The following METTL8 variants were observed in gnomAD, a reference collection of about 807,000 sequenced individuals.
The protein encoded by METTL8 is tRNA N(3)-cytidine methyltransferase METTL8, mitochondrial.
METTL8 carries 32 observed loss-of-function variants against 48.7 expected under a neutral mutation model. The ratio of observed to expected loss-of-function variants is 0.66; its 90% CI spans 0.50 to 0.88. The LOEUF is 0.88. Ranked by LOEUF, METTL8 falls within the 40% of genes least tolerant of loss-of-function variation. The probability of loss-of-function intolerance (pLI) is 0.00; values close to 1 mark genes in which losing one functional copy is unlikely to be tolerated. For missense variants in METTL8, 464 were observed against 474.4 expected, an observed-to-expected ratio of 0.98 and a Z score of 0.20; for synonymous variants, 136 against 157.1, an observed-to-expected ratio of 0.87 and a Z score of 1.01.
chr2:171,370,327 C>T (rs76669240), intron 2 of METTL8, among the ~76,000 whole-genome samples: 12 of 152,244 alleles, frequency 7.9e-5, no homozygotes, highest in African/African-American at 2.6e-4. Flanking sequence ...CTCACATGTA[C>T]TTCCTCCTGG....
chr2:171,389,630 AAACC>A (rs1688405357), intron 2 of METTL8, among the ~76,000 whole-genome samples: 1 of 152,180 alleles, frequency 6.6e-6, no homozygotes, highest in African/African-American at 2.4e-5. Flanking sequence ...ATAAAAGATA[AAACC>A]AGCCACAATA....
chr2:171,359,091 C>T (rs540154915), intron 3 of METTL8, among the ~76,000 whole-genome samples: 9 of 150,748 alleles, frequency 6.0e-5, no homozygotes, highest in Non-Finnish European at 1.0e-4. Context: ...AGGTGGGAGG[C>T]TCACCTGAAC....
chr2:171,427,330 C>G (rs538327862), intron 1 of METTL8, among the ~76,000 whole-genome samples: 1 of 152,294 alleles, frequency 6.6e-6, no homozygotes, highest in South Asian at 2.1e-4. Flanking sequence ...TTGCCTTCCA[C>G]AATGTATTTT....
In METTL8 at chr2:171,318,428, G is replaced by A. The variant is rs889376993; in HGVS notation, c.*5744C>T. On this transcript the variant is annotated 3_prime_UTR_variant, in exon 10 of 10. Coordinates refer to ENST00000375258, the MANE Select transcript of METTL8 (RefSeq NM_001321154.2). Reference sequence around the variant, plus strand: ...TACCCTAGAGCTGAATCCTTTTGAAGACATTTTAAGGGTTTTTTTTCCCCA... The same window carrying A: ...TACCCTAGAGCTGAATCCTTTTGAAAACATTTTAAGGGTTTTTTTTCCCCA... 5.9e-5 allele frequency: 9 copies of A among 152,158 alleles called. No homozygotes were observed. Among genetic ancestry groups the A allele is most frequent in the African/African-American group, 2.2e-4 (9 of 41,440 alleles). The allele number at this position is 152,158 out of a possible 1,614,324, so 9.4% of individuals were successfully genotyped here.
chr2:171,345,528 C>T (rs1167334133), intron 3 of METTL8, among the ~76,000 whole-genome samples: 2 of 152,146 alleles, frequency 1.3e-5, no homozygotes, highest in Admixed American at 6.5e-5. Context: ...AAGAGCACTG[C>T]ATAAAATTTT....
chr2:171,410,761 A>G (rs1238331120), intron 1 of METTL8, among the ~76,000 whole-genome samples: 1 of 152,088 alleles, frequency 6.6e-6, no homozygotes, highest in Non-Finnish European at 1.5e-5. Context: ...ACATGTATAA[A>G]CTCCTGACAT....
chr2:171,332,171 C>A (rs143853910), intron 5 of METTL8: 1 of 225,306 alleles, frequency 4.4e-6, no homozygotes, highest in Middle Eastern at 1.8e-3. Flanking sequence ...TAGGTGTGAG[C>A]CACTGTGCTC....
intron 2 of METTL8, among the ~76,000 whole-genome samples, chr2:171,363,817 T>TATATATATATATATATGTATATA (rs1228494441): frequency 3.9e-5 from 5 of 129,018 alleles, no homozygotes; most frequent in Non-Finnish European, 8.3e-5. Context: ...TATATATATC[T>TATATATATATATATATGTATATA]TTTTTTTTTT....
chr2:171,336,863 CTTTTTTT>C lies in METTL8; in HGVS notation c.656+583_656+589del, dbSNP rs71013037. Among the ~76,000 whole-genome samples, 398 of 88,110 alleles carry C rather than the reference CTTTTTTT, an allele frequency of 4.5e-3. 1 individual carries two copies. Among genetic ancestry groups the C allele is most frequent in the African/African-American group, 0.016 (365 of 22,268 alleles). 57.8% of individuals were successfully genotyped at this position (88,110 alleles called of 152,430 possible). ...CAGTGGAAGGATGAAATCACTTCCT[CTTTTTTT>C]TTTTTTTTTTTTTTTTGAGACTGAG... is the stretch of plus-strand genomic sequence containing the variant. On this transcript the variant is annotated intron_variant, in intron 5 of 9. Coordinates refer to ENST00000375258, the MANE Select transcript of METTL8 (RefSeq NM_001321154.2).
chr2:171,394,582 C>T (rs1383985077), intron 1 of METTL8, among the ~76,000 whole-genome samples: 1 of 152,170 alleles, frequency 6.6e-6, no homozygotes, highest in Non-Finnish European at 1.5e-5. Flanking sequence ...GGCAATTTCC[C>T]TACTTAGGCA....
At chr2:171,394,350 T>C (rs1688857622) in intron 1 of METTL8, among the ~76,000 whole-genome samples, 1 of 151,142 alleles carries the variant, frequency 6.6e-6, no homozygotes. Context: ...ATCCTTTAAA[T>C]AATCACGTGA....
At chr2:171,369,544 T>C (rs1051361736) in intron 2 of METTL8, among the ~76,000 whole-genome samples, 4 of 152,224 alleles carry the variant, frequency 2.6e-5, no homozygotes, top group African/African-American at 9.6e-5. Flanking sequence ...TCATTATTGT[T>C]TTGGAATTAA....
intron 2 of METTL8, among the ~76,000 whole-genome samples, chr2:171,371,600 G>A (rs966636957): frequency 3.3e-5 from 5 of 151,700 alleles, no homozygotes; most frequent in Admixed American, 6.6e-5. Flanking sequence ...CAGGTGATGC[G>A]CCTGCCTTGG....
chr2:171,344,191 AT>A (rs929607478), intron 3 of METTL8, among the ~76,000 whole-genome samples: 1 of 152,198 alleles, frequency 6.6e-6, no homozygotes, highest in African/African-American at 2.4e-5. Context: ...CTTTACTTGG[AT>A]TTTTCCCCCA....
intron 1 of METTL8, among the ~76,000 whole-genome samples, chr2:171,402,072 A>C (rs1689701497): frequency 6.6e-6 from 1 of 152,136 alleles, no homozygotes; most frequent in Non-Finnish European, 1.5e-5. Flanking sequence ...AGAGGAATGA[A>C]AGATTAAGTC....
At chr2:171,395,869 A>G (rs529897980) in intron 1 of METTL8, among the ~76,000 whole-genome samples, 12 of 152,358 alleles carry the variant, frequency 7.9e-5, no homozygotes, top group Admixed American at 2.0e-4. Context: ...ACATTTATAG[A>G]AAGAACATCA....
chr2:171,368,046 T>C, intron 2 of METTL8, among the ~76,000 whole-genome samples: 1 of 152,230 alleles, frequency 6.6e-6, no homozygotes, highest in Non-Finnish European at 1.5e-5. Flanking sequence ...GGCACCAAAA[T>C]GTGTTAATTG....
At chr2:171,332,065 T>C (rs897836404) in intron 5 of METTL8, 198 bp from the exon 6 acceptor site, 4 of 473,138 alleles carry the variant, frequency 8.5e-6, no homozygotes, top group South Asian at 4.8e-5. Context: ...TTAGATTTTT[T>C]TGTAGAGATG....
At chr2:171,375,809 A>C (rs11679641) in intron 2 of METTL8, among the ~76,000 whole-genome samples, 44,900 of 152,080 alleles carry the variant, frequency 0.3, 7,587 homozygotes, top group East Asian at 0.63. Flanking sequence ...AAAAAGATAA[A>C]ACATATTAAA....
Sources: allele counts gnomAD v4.1 joint callset (sites outside exome capture counted in the v4.1 genomes callset), GRCh38; gene constraint gnomAD v4.1.1; transcripts MANE v1.5; gene names NCBI Gene and HGNC (gene_info 2026-07-23, HGNC 2026-07-21).